The following EXOC6 variants were observed in gnomAD, a reference collection of about 807,000 sequenced individuals.
EXOC6 encodes the protein SEC15-like 1.
EXOC6 carries 60 observed loss-of-function variants against 112.5 expected under a neutral mutation model. The ratio of observed to expected loss-of-function variants is 0.53; its 90% CI spans 0.43 to 0.66. The LOEUF (loss-of-function observed/expected upper bound fraction) is 0.66. Ranked by LOEUF, EXOC6 falls within the 30% of genes least tolerant of loss-of-function variation. EXOC6 has a pLI of 0.00. For synonymous variants in EXOC6, 295 were observed against 308.0 expected (o/e 0.96, Z 0.44); for missense variants, 855 against 957.1 (o/e 0.89, Z 1.41).
intron 1 of EXOC6, among the ~76,000 whole-genome samples, chr10:92,883,537 CAT>C (rs1849064556): frequency 6.6e-6 from 1 of 152,018 alleles, no homozygotes; most frequent in African/African-American, 2.4e-5. Context: ...AAAGAAGTAT[CAT>C]ATGTACTCTT....
chr10:92,980,603 G>A (rs983484065), intron 18 of EXOC6, among the ~76,000 whole-genome samples: 2 of 151,966 alleles, frequency 1.3e-5, no homozygotes, highest in Non-Finnish European at 2.9e-5. Flanking sequence ...ATTATGAAAG[G>A]CATTCATTGT....
intron 20 of EXOC6, among the ~76,000 whole-genome samples, chr10:93,023,612 C>T (rs1433234438): frequency 6.6e-6 from 1 of 152,066 alleles, no homozygotes; most frequent in African/African-American, 2.4e-5. Flanking sequence ...CAAGTAAAGC[C>T]TATCATCCTG....
At chr10:93,048,856 C>G (rs1449349358) in intron 20 of EXOC6, among the ~76,000 whole-genome samples, 1 of 151,624 alleles carries the variant, frequency 6.6e-6, no homozygotes, top group Non-Finnish European at 1.5e-5. Flanking sequence ...GGTTTAAATA[C>G]ATAATATAAA....
At chr10:92,983,073 A>C (rs1190227831) in intron 18 of EXOC6, among the ~76,000 whole-genome samples, 1 of 152,180 alleles carries the variant, frequency 6.6e-6, no homozygotes, top group Non-Finnish European at 1.5e-5. Flanking sequence ...ACTATCTTGA[A>C]ATTTTTGAGA....
intron 6 of EXOC6, among the ~76,000 whole-genome samples, chr10:92,910,873 G>T (rs535744997): frequency 6.6e-6 from 1 of 152,276 alleles, no homozygotes. Context: ...AGCTTGTAGC[G>T]AGCCAAGATC....
Position 92,890,210 on chromosome 10 carries a change from C to T in EXOC6, c.102-3139C>T, listed in dbSNP as rs575124146. 5.7e-4 allele frequency among the ~76,000 whole-genome samples: 86 copies of T among 152,162 alleles called. 1 individual carries two copies. The highest frequency in any genetic ancestry group is 1.8e-4 in the Non-Finnish European group (12 of 68,004). ...TTTTTAGATTTATATCTAAGTATTT[C>T]ATTTTGGAGGATGCTAATGTAAATA... On this transcript the variant is annotated intron_variant, in intron 1 of 21. Coordinates refer to ENST00000260762, the MANE Select transcript of EXOC6 (RefSeq NM_019053.6).
chr10:93,015,705 C>T (rs1416091807), intron 20 of EXOC6, among the ~76,000 whole-genome samples: 3 of 151,922 alleles, frequency 2.0e-5, no homozygotes, highest in Non-Finnish European at 4.4e-5. Context: ...TGCACTCCAG[C>T]CTGGGCGACA....
intron 1 of EXOC6, among the ~76,000 whole-genome samples, chr10:92,837,847 A>G (rs767369996): frequency 1.1e-4 from 16 of 152,220 alleles, no homozygotes; most frequent in Non-Finnish European, 2.1e-4. Flanking sequence ...GGAAAAGCTT[A>G]CACCTGGGAA....
chr10:93,023,110 G>C (rs1224426919), intron 20 of EXOC6, among the ~76,000 whole-genome samples: 1 of 82,122 alleles, frequency 1.2e-5, no homozygotes, highest in Admixed American at 1.4e-4. Flanking sequence ...AAGGGGTCAT[G>C]CTTCTGTTTT....
chr10:92,972,525 A>G (rs1842342510), intron 17 of EXOC6, among the ~76,000 whole-genome samples: 1 of 152,156 alleles, frequency 6.6e-6, no homozygotes, highest in East Asian at 1.9e-4. Flanking sequence ...CTGTGGTGCC[A>G]CCTGTTTTTA....
At chr10:92,989,624 C>T (rs1270820633) in intron 18 of EXOC6, among the ~76,000 whole-genome samples, 1 of 152,104 alleles carries the variant, frequency 6.6e-6, no homozygotes, top group African/African-American at 2.4e-5. Context: ...AGACACAGAC[C>T]CTTAGGCTTT....
At chr10:92,892,155 G>C (rs747145292) in intron 1 of EXOC6, among the ~76,000 whole-genome samples, 18 of 152,212 alleles carry the variant, frequency 1.2e-4, no homozygotes, top group East Asian at 1.2e-3. Flanking sequence ...TTTGCTAGAG[G>C]GACTTGCAAA....
Position 92,935,888 on chromosome 10 carries a change from G to A in EXOC6, c.1212+3G>A, listed in dbSNP as rs201465591. On this transcript the variant is annotated splice_donor_region_variant and intron_variant, in intron 12 of 21. Coordinates refer to ENST00000260762, the MANE Select transcript of EXOC6 (RefSeq NM_019053.6). ...TAATATTTGCAGATACTTTACAGGT[G>A]GGTGATAACCTAACAATTAATGGTT... 2.4e-4 allele frequency: 372 copies of A among 1,573,174 alleles called. 2 individuals are homozygous for A. In the Middle Eastern group the frequency reaches 4.7e-3, roughly 20 times the overall value.
At chr10:92,859,169 G>T (rs999364529) in intron 1 of EXOC6, among the ~76,000 whole-genome samples, 1 of 152,070 alleles carries the variant, frequency 6.6e-6, no homozygotes, top group Non-Finnish European at 1.5e-5. Context: ...TTTAGATAAC[G>T]TAGCAACTCT....
intron 5 of EXOC6, among the ~76,000 whole-genome samples, chr10:92,905,477 C>T (rs543946467): frequency 6.6e-6 from 1 of 151,954 alleles, no homozygotes; most frequent in South Asian, 2.1e-4. Context: ...GGTATTAGTT[C>T]CAGAAAATTT....
intron 1 of EXOC6, among the ~76,000 whole-genome samples, chr10:92,884,748 T>C (rs989062460): frequency 6.6e-6 from 1 of 152,190 alleles, no homozygotes; most frequent in Non-Finnish European, 1.5e-5. Flanking sequence ...AAGACTGCAG[T>C]GAATTAAAAA....
chr10:92,878,067 T>C (rs80218039), intron 1 of EXOC6: 1,760 of 154,706 alleles, frequency 0.011, 19 homozygotes, highest in Middle Eastern at 0.018. Flanking sequence ...AACCGGCATT[T>C]ATTCATCCTT....
chr10:92,914,917 A>G (rs918445188), intron 6 of EXOC6, among the ~76,000 whole-genome samples: 2 of 152,178 alleles, frequency 1.3e-5, no homozygotes, highest in Non-Finnish European at 2.9e-5. Flanking sequence ...ATTTTTTTCT[A>G]TTTCTGGTAA....
intron 20 of EXOC6, among the ~76,000 whole-genome samples, chr10:93,026,941 A>G (rs970609881): frequency 9.9e-5 from 15 of 152,216 alleles, no homozygotes; most frequent in African/African-American, 2.9e-4. Flanking sequence ...AGAAATGATT[A>G]ACTTAATGAG....
Sources: allele counts gnomAD v4.1 joint callset (sites outside exome capture counted in the v4.1 genomes callset), GRCh38; gene constraint gnomAD v4.1.1; transcripts MANE v1.5; gene names NCBI Gene and HGNC (gene_info 2026-07-23, HGNC 2026-07-21).